FRMPD4: variants seen among roughly 807,000 people sequenced by gnomAD.
FRMPD4 encodes the protein FERM and PDZ domain-containing protein 4.
Under a neutral mutation model 94.1 loss-of-function variants are expected in FRMPD4, and 22 were observed. That is an observed-to-expected ratio of 0.23 (90% CI 0.17 to 0.33). The LOEUF (loss-of-function observed/expected upper bound fraction) is 0.33. Among genes scored for constraint, FRMPD4 ranks in the 10% least tolerant of loss-of-function variants. The pLI, the probability that FRMPD4 is intolerant of heterozygous loss-of-function variation, is 1.00. For missense variants in FRMPD4, 1,111 were observed against 1,339.9 expected (o/e 0.83, Z 2.67); for synonymous variants, 631 against 548.6 (o/e 1.15, Z -2.10).
intron 14 of FRMPD4, among the ~76,000 whole-genome samples, chrX:12,714,594 C>T (rs757418439): frequency 2.7e-5 from 3 of 111,866 alleles, no homozygotes; most frequent in Non-Finnish European, 5.6e-5. Context: ...CATATTAAAA[C>T]AGCTAAGTTG....
At chrX:11,964,221 G>A (rs1355549013) in intron 3 of FRMPD4, among the ~76,000 whole-genome samples, 5 of 109,617 alleles carry the variant, frequency 4.6e-5, no homozygotes, top group South Asian at 4.0e-4. Flanking sequence ...GTGTGGTGGC[G>A]CAATCTCGGC....
At chrX:12,130,099 CGGA>C (rs1379204806) in intron 3 of FRMPD4, among the ~76,000 whole-genome samples, 5 of 51,413 alleles carry the variant, frequency 9.7e-5, no homozygotes, top group Non-Finnish European at 1.6e-4. Flanking sequence ...AGGGAGCCAG[CGGA>C]AGAGAGAGAG....
chrX:12,435,473 C>T (rs2057055472), intron 1 of FRMPD4, among the ~76,000 whole-genome samples: 4 of 111,626 alleles, frequency 3.6e-5, no homozygotes, highest in Admixed American at 9.5e-5. Context: ...ATCTTAAACA[C>T]ATCTAAGTAG....
At chrX:12,610,629 T>A (rs1396861300) in intron 3 of FRMPD4, among the ~76,000 whole-genome samples, 3 of 110,110 alleles carry the variant, frequency 2.7e-5, no homozygotes, top group Non-Finnish European at 1.9e-5. Flanking sequence ...TTGCCTGAAG[T>A]CCCAGCTACT....
chrX:12,148,022 G>T (rs1455967391), intron 1 of FRMPD4, among the ~76,000 whole-genome samples: 1 of 111,529 alleles, frequency 9.0e-6, no homozygotes. Context: ...CTTTCCTCAG[G>T]CTCCCCTGTT....
intron 1 of FRMPD4, among the ~76,000 whole-genome samples, chrX:12,429,900 C>T (rs1488720897): frequency 8.9e-6 from 1 of 112,000 alleles, no homozygotes; most frequent in Non-Finnish European, 1.9e-5. Flanking sequence ...GCTTGCTCTT[C>T]TGCCATGTGT....
intron 3 of FRMPD4, among the ~76,000 whole-genome samples, chrX:11,914,291 CTT>C (rs57258573): frequency 2.6e-4 from 23 of 89,163 alleles, no homozygotes; most frequent in East Asian, 1.2e-3. Context: ...ACTTTTTTTT[CTT>C]TTTTTTTTTT....
At chrX:11,847,968 C>T (rs2053590165) in intron 1 of FRMPD4, among the ~76,000 whole-genome samples, 1 of 103,541 alleles carries the variant, frequency 9.7e-6, no homozygotes, top group African/African-American at 3.6e-5. Flanking sequence ...ACCAGCATGG[C>T]ACATGTAGAC....
intron 1 of FRMPD4, among the ~76,000 whole-genome samples, chrX:12,240,360 A>C (rs756267989): frequency 7.1e-5 from 8 of 112,409 alleles, no homozygotes; most frequent in African/African-American, 2.6e-4. Flanking sequence ...CTGGAACTCA[A>C]GCATGTATCC....
At chrX:12,518,819 G>T (rs756133630) in intron 2 of FRMPD4, among the ~76,000 whole-genome samples, 2 of 103,183 alleles carry the variant, frequency 1.9e-5, no homozygotes, top group Admixed American at 2.0e-4. Context: ...AATTACGTGC[G>T]CGCGTGCACA....
In FRMPD4 at chrX:12,713,064, C is replaced by T. The variant is rs776842708; in HGVS notation, c.1609+2527C>T. Among the ~76,000 whole-genome samples, 222 of 93,848 alleles carry T rather than the reference C, an allele frequency of 2.4e-3. 3 individuals carry two copies. The highest frequency in any genetic ancestry group is 8.9e-3 in the African/African-American group (218 of 24,421). The allele number at this position is 93,848 out of a possible 115,157, so 81.5% of individuals were successfully genotyped here. ...GCACTCCAGCCTCCAGGCTGGCTGACAAAGCAAGATCCTGTGTCTAAAAGA... is the reference window on the plus strand; with the variant it reads ...GCACTCCAGCCTCCAGGCTGGCTGATAAAGCAAGATCCTGTGTCTAAAAGA... On this transcript the variant is annotated intron_variant, in intron 14 of 16. Transcript: ENST00000675598.
intron 1 of FRMPD4, among the ~76,000 whole-genome samples, chrX:12,424,452 CAA>C (rs1198146354): frequency 1.8e-5 from 2 of 112,588 alleles, no homozygotes; most frequent in Non-Finnish European, 3.8e-5. Context: ...TCTCTTGGCA[CAA>C]AAGAGTCTAT....
At chrX:12,083,966 G>A (rs1427051971) in intron 3 of FRMPD4, among the ~76,000 whole-genome samples, 1 of 111,724 alleles carries the variant, frequency 9.0e-6, no homozygotes, top group African/African-American at 3.3e-5. Context: ...CCTTGTCTCA[G>A]ATGAGACTTT....
intron 2 of FRMPD4, among the ~76,000 whole-genome samples, chrX:12,521,385 C>T (rs2058160154): frequency 8.9e-6 from 1 of 112,065 alleles, no homozygotes; most frequent in Admixed American, 9.5e-5. Flanking sequence ...TTTGGAAGAT[C>T]GTGCAATCTC....
chrX:12,013,221 G>T (rs2054589575), intron 3 of FRMPD4, among the ~76,000 whole-genome samples: 1 of 111,776 alleles, frequency 8.9e-6, no homozygotes, highest in African/African-American at 3.3e-5. Context: ...TGTTTCAGAG[G>T]CCTTTCTTTC....
At chrX:12,237,865 A>G (rs993649937) in intron 1 of FRMPD4, among the ~76,000 whole-genome samples, 5 of 112,670 alleles carry the variant, frequency 4.4e-5, no homozygotes, top group African/African-American at 1.6e-4. Context: ...TGGTTTAAGA[A>G]GCGAAGCAAC....
intron 1 of FRMPD4, among the ~76,000 whole-genome samples, chrX:12,218,198 A>T (rs1601707594): frequency 8.9e-6 from 1 of 112,449 alleles, no homozygotes; most frequent in African/African-American, 3.2e-5. Flanking sequence ...AACTCTTTGG[A>T]AGAAAAAGTA....
At chrX:11,942,134 T>C (rs748571208) in intron 3 of FRMPD4, among the ~76,000 whole-genome samples, 1 of 112,080 alleles carries the variant, frequency 8.9e-6, no homozygotes, top group Non-Finnish European at 1.9e-5. Context: ...TTTAGCATAA[T>C]TGTGTGCTAG....
In FRMPD4 at chrX:12,498,831, T is replaced by C. The variant is rs1454531146; in HGVS notation, c.158+35T>C. On this transcript the variant is annotated intron_variant, in intron 2 of 16. Transcript: ENST00000675598. ...ACAGATGGCATGAACAATAGAATCC[T>C]TGGCCAATGGACTTCTTTATCTTTG... 5.3e-6 allele frequency: 4 copies of C among 752,320 alleles called. No homozygotes were observed. In the African/African-American group the frequency reaches 8.6e-5, roughly 16 times the overall value. The allele number at this position is 752,320 out of a possible 1,213,427, so 62.0% of individuals were successfully genotyped here.
Sources: gnomAD v4.1 joint callset for allele counts (sites outside exome capture counted in the v4.1 genomes callset) on GRCh38, gnomAD v4.1.1 for gene constraint, MANE v1.5 for transcripts, NCBI Gene and HGNC (gene_info 2026-07-23, HGNC 2026-07-21) for gene names.